DSE: variants seen among roughly 807,000 people sequenced by gnomAD.
DSE encodes dermatan-sulfate epimerase.
A neutral mutation model predicts 84.4 loss-of-function variants in DSE; 36 were observed. That is an observed-to-expected ratio of 0.43 (90% CI 0.33 to 0.56). The LOEUF (loss-of-function observed/expected upper bound fraction) is 0.56. Among genes scored for constraint, DSE ranks in the 20% least tolerant of loss-of-function variants. The pLI, the probability that DSE is intolerant of heterozygous loss-of-function variation, is 0.06. For missense variants in DSE, 862 were observed against 1,169.6 expected (o/e 0.74, Z 3.84); for synonymous variants, 410 against 430.1 (o/e 0.95, Z 0.58).
intron 2 of DSE, among the ~76,000 whole-genome samples, chr6:116,358,029 T>C (rs1261912090): frequency 3.3e-5 from 5 of 152,218 alleles, no homozygotes; most frequent in African/African-American, 1.2e-4. Flanking sequence ...TTTTTAATGA[T>C]TTCTTAGAAC....
intron 1 of DSE, among the ~76,000 whole-genome samples, chr6:116,390,969 CTAAAT>C (rs1175256301): frequency 6.6e-6 from 1 of 152,204 alleles, no homozygotes; most frequent in Admixed American, 6.5e-5. Flanking sequence ...ACCTCTACCA[CTAAAT>C]TATGAATTTA....
intron 2 of DSE, among the ~76,000 whole-genome samples, chr6:116,306,001 G>A (rs1028215177): frequency 5.9e-5 from 9 of 152,092 alleles, no homozygotes; most frequent in African/African-American, 2.2e-4. Flanking sequence ...AGGGATTAAT[G>A]TGTGAACCCA....
intron 1 of DSE, chr6:116,255,571 C>T (rs149381164): frequency 1.3e-5 from 2 of 152,356 alleles, no homozygotes; most frequent in East Asian, 3.9e-4. Flanking sequence ...CTCCCTCTTT[C>T]CTCTTTGTCT....
At chr6:116,383,469 G>A (rs1780372072) in intron 1 of DSE, among the ~76,000 whole-genome samples, 1 of 152,156 alleles carries the variant, frequency 6.6e-6, no homozygotes, top group Admixed American at 6.5e-5. Flanking sequence ...AGAGCAGTTT[G>A]CTAAGACAGA....
Position 116,326,194 on chromosome 6 carries a change from G to A in DSE, c.-54+67227G>A, listed in dbSNP as rs192070143. On this transcript the variant is annotated intron_variant, in intron 2 of 3. Coordinates refer to the DSE transcript ENST00000430252. ...AGAAATTGGGCATAAGACAATATGA[G>A]GGGTGGTCTCCTCCCTTAATTATAG... is the stretch of plus-strand genomic sequence containing the variant. Among the ~76,000 whole-genome samples, 431 of 152,126 alleles carry A rather than the reference G, an allele frequency of 2.8e-3. 8 individuals are homozygous for A. Among genetic ancestry groups the A allele is most frequent in the Non-Finnish European group, 6.5e-4 (44 of 68,002 alleles).
intron 1 of DSE, among the ~76,000 whole-genome samples, chr6:116,385,644 G>GT (rs1466840344): frequency 6.6e-6 from 1 of 152,082 alleles, no homozygotes; most frequent in African/African-American, 2.4e-5. Context: ...ATGTATCATT[G>GT]TTTTACAAAC....
intron 2 of DSE, among the ~76,000 whole-genome samples, chr6:116,299,716 A>G (rs905178160): frequency 1.3e-5 from 2 of 151,800 alleles, no homozygotes; most frequent in Admixed American, 1.3e-4. Context: ...AGTTTGAACA[A>G]TACTATTCAC....
Position 116,378,210 on chromosome 6 carries a change from T to C in DSE, c.-54+7089T>C, listed in dbSNP as rs189778584. ...GATTTATGGTAAATACAGGGAAGTT[T>C]TTCTGAATGCTTTTATCCTTTAGGA... On this transcript the variant is annotated intron_variant, in intron 1 of 5. Transcript: ENST00000644252. 8.1e-4 allele frequency among the ~76,000 whole-genome samples: 123 copies of C among 152,328 alleles called. 1 individual carries two copies. Among genetic ancestry groups the C allele is most frequent in the Non-Finnish European group, 5.3e-4 (36 of 68,024 alleles).
chr6:116,351,962 A>G (rs749251667), intron 2 of DSE, among the ~76,000 whole-genome samples: 2 of 152,180 alleles, frequency 1.3e-5, no homozygotes, highest in Non-Finnish European at 2.9e-5. Context: ...CAGTTCTTCT[A>G]TCCCACAGTG....
chr6:116,371,171 T>C, intron 1 of DSE, 50 bp downstream of exon 1: 2 of 985,528 alleles, frequency 2.0e-6, no homozygotes, highest in Non-Finnish European at 2.4e-6. Flanking sequence ...GGCGCAACTT[T>C]CTTCGGGAGT....
intron 2 of DSE, among the ~76,000 whole-genome samples, chr6:116,325,925 C>G (rs192858914): frequency 1.2e-4 from 19 of 152,214 alleles, no homozygotes; most frequent in Admixed American, 1.0e-3. Context: ...ATGAGAGGAT[C>G]GTGATCGAGT....
intron 2 of DSE, among the ~76,000 whole-genome samples, chr6:116,265,724 G>A (rs1217411164): frequency 1.3e-5 from 2 of 152,130 alleles, no homozygotes; most frequent in Non-Finnish European, 2.9e-5. Flanking sequence ...AAATCAAGGG[G>A]TGCTCAAGTC....
At chr6:116,376,290 A>G (rs1779925144) in intron 1 of DSE, among the ~76,000 whole-genome samples, 1 of 152,168 alleles carries the variant, frequency 6.6e-6, no homozygotes, top group Non-Finnish European at 1.5e-5. Context: ...AGTTCTCATT[A>G]GCTGGCTTCA....
chr6:116,360,794 A>AT (rs544966487), intron 2 of DSE, among the ~76,000 whole-genome samples: 27 of 151,176 alleles, frequency 1.8e-4, no homozygotes, highest in Non-Finnish European at 3.1e-4. Flanking sequence ...GACATTTTTA[A>AT]TTTTTTTTTA....
intron 2 of DSE, among the ~76,000 whole-genome samples, chr6:116,315,058 G>T (rs996539098): frequency 6.6e-6 from 1 of 152,148 alleles, no homozygotes; most frequent in Non-Finnish European, 1.5e-5. Context: ...GGGGAGAAAT[G>T]GGGGAAGTCC....
At chr6:116,398,872 A>C (rs1781412118) in intron 1 of DSE, among the ~76,000 whole-genome samples, 1 of 152,188 alleles carries the variant, frequency 6.6e-6, no homozygotes, top group African/African-American at 2.4e-5. Flanking sequence ...TGTCTAAAAA[A>C]ATATACCATG....
rs781187613 is a variant in DSE at position 116,436,929 on chromosome 6, G to A, written c.2461G>A (p.Ala821Thr). ...AGGCAAACGCTATAAATTTGTGGAT[G>A]CTGTCCCTGATATTTTTGCACAGAT... Reference protein sequence around the residue: ...RAGKRYKFVDAVPDIFAQIEV... With the variant: ...RAGKRYKFVDTVPDIFAQIEV... The change falls in exon 6 of 6, where the codon GCT becomes ACT. Residue 821 changes from alanine to threonine, a missense_variant. By Grantham distance (58) the Ala-to-Thr change is moderately conservative. Around this residue, in one of 4 missense-constraint regions of DSE, gnomAD observed 315 missense variants for 348.1 expected, o/e 0.90. Transcript: ENST00000644252. 1.4e-5 allele frequency: 22 copies of A among 1,613,954 alleles called. No individual in the cohort carries two copies. The East Asian group carries it at 4.9e-4, about 36-fold the overall frequency.
chr6:116,279,016 A>G, intron 2 of DSE: 1 of 1,614,048 alleles, frequency 6.2e-7, no homozygotes, highest in Non-Finnish European at 8.5e-7. Flanking sequence ...GATATTCTGA[A>G]TGATGTAGTT....
In DSE at chr6:116,438,694, A is replaced by G. The variant is rs1353918208; in HGVS notation, c.*1349A>G. 1 of 152,194 alleles carries G rather than the reference A, an allele frequency of 6.6e-6. No individual in the cohort carries two copies. Among genetic ancestry groups the G allele is most frequent in the African/African-American group, 2.4e-5 (1 of 41,462 alleles). 9.4% of individuals were successfully genotyped at this position (152,194 alleles called of 1,614,324 possible). On this transcript the variant is annotated 3_prime_UTR_variant, in exon 6 of 6. Transcript: ENST00000644252. ...TTTGAAACAAAATATGTTCAGCTCA[A>G]ATTTTACAGTAAGGACACACTCACT...
Sources: allele counts gnomAD v4.1 joint callset (sites outside exome capture counted in the v4.1 genomes callset), GRCh38; gene constraint gnomAD v4.1.1; regional missense constraint gnomAD v4.1.1; transcripts MANE v1.5; gene names NCBI Gene and HGNC (gene_info 2026-07-23, HGNC 2026-07-21).